Variants in SEMA6D observed in about 807,000 individuals in gnomAD.
SEMA6D encodes the protein semaphorin 6D, also known as semaphorin-6D.
SEMA6D carries 35 observed loss-of-function variants against 106.6 expected under a neutral mutation model. The observed-to-expected ratio is 0.33, with a 90% confidence interval of 0.25 to 0.44. SEMA6D has a LOEUF of 0.44. SEMA6D is among the 20% of genes least tolerant of loss of function. The pLI, the probability that SEMA6D is intolerant of heterozygous loss-of-function variation, is 1.00. For synonymous variants in SEMA6D, 499 were observed against 487.7 expected, an observed-to-expected ratio of 1.02 and a Z score of -0.31; for missense variants, 1,185 against 1,345.9, an observed-to-expected ratio of 0.88 and a Z score of 1.87.
chr15:47,366,175 G>A (rs2039023494), intron 1 of SEMA6D, among the ~76,000 whole-genome samples: 1 of 152,182 alleles, frequency 6.6e-6, no homozygotes, highest in Non-Finnish European at 1.5e-5. Context: ...CATAGTACAT[G>A]CCCTGTGCCA....
At chr15:47,495,435 G>A (rs1219035572) in intron 3 of SEMA6D, among the ~76,000 whole-genome samples, 1 of 151,944 alleles carries the variant, frequency 6.6e-6, no homozygotes, top group African/African-American at 2.4e-5. Flanking sequence ...GCAGGGGTTA[G>A]CTATTGCATG....
At chr15:47,254,311 GTA>G (rs1230202220) in intron 1 of SEMA6D, among the ~76,000 whole-genome samples, 12 of 103,580 alleles carry the variant, frequency 1.2e-4, no homozygotes, top group Admixed American at 2.4e-4. Context: ...GTATATATAT[GTA>G]TATATATGTG....
chr15:47,570,807 C>T (rs1345453814), intron 3 of SEMA6D, among the ~76,000 whole-genome samples: 1 of 152,150 alleles, frequency 6.6e-6, no homozygotes, highest in Admixed American at 6.5e-5. Context: ...TAACTTGTGG[C>T]CAAAGACACA....
At position 47,542,428 on chromosome 15, in the gene SEMA6D, A is replaced by G. The variant is rs1053959289; in HGVS notation, c.-86-58437A>G. On this transcript the variant is annotated intron_variant, in intron 3 of 19. Coordinates refer to the SEMA6D transcript ENST00000558014. The stretch of plus-strand genomic sequence containing the variant: ...ACCATAGAAATGTGTTTTATTCTCA[A>G]TTCTACACATGCAGTTCTGGACTCT... Among the ~76,000 whole-genome samples the G allele has an allele frequency of 5.9e-5, 9 of 152,260 alleles. No individual in the cohort carries two copies. In the East Asian group the frequency reaches 1.7e-3, roughly 29 times the overall value.
chr15:47,276,700 A>G (rs1313728736), intron 1 of SEMA6D, among the ~76,000 whole-genome samples: 4 of 152,176 alleles, frequency 2.6e-5, no homozygotes, highest in Non-Finnish European at 5.9e-5. Flanking sequence ...ATGTACAAGG[A>G]GGTTAATGTT....
intron 1 of SEMA6D, among the ~76,000 whole-genome samples, chr15:47,295,352 A>G (rs1196517759): frequency 6.6e-6 from 1 of 152,266 alleles, no homozygotes; most frequent in Non-Finnish European, 1.5e-5. Context: ...AGCGGGAGCC[A>G]GGATTCCACA....
chr15:47,762,384 C>T, intron 8 of SEMA6D, 65 bp downstream of exon 8: 2 of 1,572,988 alleles, frequency 1.3e-6, no homozygotes, highest in South Asian at 2.2e-5. Context: ...GGGACAGCAG[C>T]CACGGCCATC....
chr15:47,427,464 A>G (rs1446809413), intron 2 of SEMA6D, among the ~76,000 whole-genome samples: 1 of 152,184 alleles, frequency 6.6e-6, no homozygotes. Context: ...ATTCTGTCAC[A>G]TTTTATAACA....
intron 1 of SEMA6D, among the ~76,000 whole-genome samples, chr15:47,231,453 C>T (rs1322886184): frequency 6.6e-6 from 1 of 151,894 alleles, no homozygotes; most frequent in African/African-American, 2.4e-5. Flanking sequence ...CCAAAGAGCA[C>T]GCCCCATTTG....
chr15:47,704,041 T>G (rs1596688339), intron 4 of SEMA6D, among the ~76,000 whole-genome samples: 2 of 152,214 alleles, frequency 1.3e-5, no homozygotes, highest in South Asian at 4.1e-4. Context: ...ACATATGCGC[T>G]CATATATGCA....
At chr15:47,641,606 G>A (rs1434290509) in intron 4 of SEMA6D, among the ~76,000 whole-genome samples, 1 of 152,168 alleles carries the variant, frequency 6.6e-6, no homozygotes, top group African/African-American at 2.4e-5. Flanking sequence ...TTTATGAAGA[G>A]GAAATTGCCC....
chr15:47,717,291 G>A (rs28420942), upstream of SEMA6D: 30,166 of 151,930 alleles, frequency 0.2, 3,544 homozygotes, highest in Non-Finnish European at 0.25. Context: ...GCGCCAGGGT[G>A]GGGGCCTCCA....
At chr15:47,581,601 G>T (rs1030859947) in intron 3 of SEMA6D, among the ~76,000 whole-genome samples, 5 of 152,146 alleles carry the variant, frequency 3.3e-5, no homozygotes, top group Non-Finnish European at 7.3e-5. Context: ...ATTTGTGGGG[G>T]TAAGGGACGC....
intron 3 of SEMA6D, among the ~76,000 whole-genome samples, chr15:47,509,815 A>G (rs1370369364): frequency 1.3e-5 from 2 of 152,166 alleles, no homozygotes; most frequent in African/African-American, 2.4e-5. Context: ...GAGGAATGCA[A>G]ATGTTCAGGC....
Position 47,771,509 on chromosome 15 carries a change from C to T in SEMA6D, c.2946C>T (p.Asn982=), listed in dbSNP as rs373492482. ...HSISAMPKNL[N]SPNGVLLSRQ... ...TATCTGCTATGCCTAAAAACTTAAA[C>T]TCACCAAATGGTGTTTTGTTATCCA... is the stretch of plus-strand genomic sequence containing the variant. Residue 982 remains asparagine, a synonymous_variant, in exon 19 of 19, where the codon AAC becomes AAT. Transcript: ENST00000536845. 14 of 1,613,978 alleles carry T rather than the reference C, an allele frequency of 8.7e-6. No individual in the cohort carries two copies. Among genetic ancestry groups the T allele is most frequent in the Middle Eastern group, 1.6e-4 (1 of 6,078 alleles).
chr15:47,693,752 T>G (rs985205657), intron 4 of SEMA6D, among the ~76,000 whole-genome samples: 93 of 152,018 alleles, frequency 6.1e-4, no homozygotes, highest in African/African-American at 2.1e-3. Context: ...CTGGGCAACA[T>G]AGTGAGACCG....
intron 1 of SEMA6D, among the ~76,000 whole-genome samples, chr15:47,295,900 C>T (rs1420218840): frequency 6.6e-6 from 1 of 152,158 alleles, no homozygotes; most frequent in Non-Finnish European, 1.5e-5. Context: ...ATTTTTAGCT[C>T]CACCTCTGAA....
At chr15:47,240,952 G>C (rs1446972578) in intron 1 of SEMA6D, among the ~76,000 whole-genome samples, 1 of 152,096 alleles carries the variant, frequency 6.6e-6, no homozygotes, top group Non-Finnish European at 1.5e-5. Flanking sequence ...ATTCTAAAAG[G>C]TTTTGCTATA....
At position 47,766,143 on chromosome 15, in the gene SEMA6D, T is replaced by C. The variant is rs1036988649; in HGVS notation, c.1607T>C (p.Leu536Ser). Residue 536 changes from leucine to serine, a missense_variant, in exon 15 of 19, where the codon TTA becomes TCA. Leu to Ser is a moderately radical substitution (Grantham distance 145). This residue lies in a region of SEMA6D where 750 missense variants were observed against 783.5 expected (regional missense o/e 0.96). Coordinates refer to ENST00000536845, the MANE Select transcript of SEMA6D (RefSeq NM_001358351.3). ...IASRDPYCGWLSQGSCGRVTP... is the reference protein window; with the variant it reads ...IASRDPYCGWSSQGSCGRVTP... ...TCTCGTGACCCGTATTGTGGCTGGT[T>C]AAGCCAGGGATCCTGTGGTAGAGTG... is the stretch of plus-strand genomic sequence containing the variant. 34 of 1,613,468 alleles carry C rather than the reference T, an allele frequency of 2.1e-5. No individual in the cohort carries two copies. Among genetic ancestry groups the C allele is most frequent in the Non-Finnish European group, 2.6e-5 (31 of 1,179,692 alleles).
Sources: allele counts gnomAD v4.1 joint callset (sites outside exome capture counted in the v4.1 genomes callset), GRCh38; gene constraint gnomAD v4.1.1; regional missense constraint gnomAD v4.1.1; transcripts MANE v1.5; gene names NCBI Gene and HGNC (gene_info 2026-07-23, HGNC 2026-07-21).